RNF34: variants seen among roughly 807,000 people sequenced by gnomAD.
RNF34 encodes the protein E3 ubiquitin-protein ligase RNF34.
A neutral mutation model predicts 37.9 loss-of-function variants in RNF34; 12 were observed. That is an observed-to-expected ratio of 0.32 (90% confidence interval 0.20 to 0.51). The LOEUF (loss-of-function observed/expected upper bound fraction) is 0.51, where lower values mean the gene tolerates loss of function less well. RNF34 is among the 20% of genes least tolerant of loss of function. The pLI is 0.97. For missense variants in RNF34, 362 were observed against 472.7 expected (o/e 0.77, Z 2.17); for synonymous variants, 155 against 177.2 (o/e 0.87, Z 1.00).
chr12:121,406,302 G>GTTGTTGTTGTTGTTGTTGTTGTTT (rs1351470794), intron 1 of RNF34, among the ~76,000 whole-genome samples: 8 of 151,496 alleles, frequency 5.3e-5, no homozygotes, highest in South Asian at 4.2e-4. Flanking sequence ...TGTTGTTGTT[G>GTTGTTGTTGTTGTTGTTGTTGTTT]TTTGAGACAG....
chr12:121,411,433 A>G (rs181602120), intron 1 of RNF34, among the ~76,000 whole-genome samples: 25 of 152,262 alleles, frequency 1.6e-4, no homozygotes, highest in Admixed American at 5.9e-4. Context: ...AGAGCTGTGT[A>G]GTTGAAAAAA....
At chr12:121,416,065 G>A (rs1871544289) in intron 1 of RNF34, 94 bp from the exon 2 acceptor site, 1 of 981,044 alleles carries the variant, frequency 1.0e-6, no homozygotes, top group Non-Finnish European at 1.6e-6. Context: ...GTTATTGAGG[G>A]CAAACTTACC....
chr12:121,418,604 T>G (rs1871797825), intron 3 of RNF34: 2 of 152,294 alleles, frequency 1.3e-5, no homozygotes. Context: ...GCCTGCAGTC[T>G]GATACTTGGC....
At chr12:121,412,303 A>G (rs1871155273) in intron 1 of RNF34, among the ~76,000 whole-genome samples, 1 of 141,840 alleles carries the variant, frequency 7.1e-6, no homozygotes, top group South Asian at 2.2e-4. Flanking sequence ...ACAGTGGCGC[A>G]ATCTCGGCTC....
Position 121,417,077 on chromosome 12 carries a change from A to G in RNF34, c.226-427A>G, listed in dbSNP as rs1871643572. ...TGTATTTTCTTGGATTCACCTTGAGAGATCAGTTGCCTTTCTCTTTCCCTG... is the reference window on the plus strand; with the variant it reads ...TGTATTTTCTTGGATTCACCTTGAGGGATCAGTTGCCTTTCTCTTTCCCTG... On this transcript the variant is annotated intron_variant, in intron 2 of 5. Transcript: ENST00000361234. The surrounding 1 kb of genome is among the most constrained non-coding windows in gnomAD (Gnocchi z 5.0). Among the ~76,000 whole-genome samples the G allele has an allele frequency of 1.3e-5, 2 of 152,208 alleles. No individual in the cohort carries two copies. Among genetic ancestry groups the G allele is most frequent in the South Asian group, 2.1e-4 (1 of 4,832 alleles).
In RNF34 at chr12:121,414,343, C is replaced by G. The variant is rs373863873; in HGVS notation, c.7-1816C>G. 1.3e-4 allele frequency among the ~76,000 whole-genome samples: 20 copies of G among 152,326 alleles called. 1 individual carries two copies. The South Asian group carries it at 3.9e-3, about 30-fold the overall frequency. On this transcript the variant is annotated intron_variant, in intron 1 of 5. Coordinates refer to ENST00000361234, the MANE Select transcript of RNF34 (RefSeq NM_025126.4). ...AGCCTATTCGTTCTAAACACTATAG[C>G]TTTTATTTTAAGCATGGGAAAATGC...
At chr12:121,415,667 A>G (rs1410111249) in intron 1 of RNF34, among the ~76,000 whole-genome samples, 1 of 151,988 alleles carries the variant, frequency 6.6e-6, no homozygotes, top group Non-Finnish European at 1.5e-5. Context: ...ATTTCTGTTA[A>G]ATAATAGCTG....
Position 121,423,566 on chromosome 12 carries a change from T to TC in RNF34, c.1110dup (p.Lys371GlnfsTer38). The TC allele has an allele frequency of 6.2e-7, 1 of 1,613,168 alleles. No individual in the cohort carries two copies. Among genetic ancestry groups the TC allele is most frequent in the Non-Finnish European group, 8.5e-7 (1 of 1,179,308 alleles). ...TATGTGGTGCGAGCCGTGCACGTGT[T>TC]CAAGTCCTGAAACAGGCTCCCCTCA... is the stretch of plus-strand genomic sequence containing the variant. On this transcript the variant is annotated frameshift_variant, in exon 6 of 6. Transcript: ENST00000361234. LOFTEE classifies it high-confidence loss of function. This position sits in a 1 kb window ranked among gnomAD's most constrained non-coding sequence, Gnocchi z 4.3.
At chr12:121,412,402 G>A (rs782708145) in intron 1 of RNF34, among the ~76,000 whole-genome samples, 8 of 151,310 alleles carry the variant, frequency 5.3e-5, no homozygotes, top group South Asian at 2.1e-4. Flanking sequence ...ACCACGCCAG[G>A]CTAATTTTGT....
At position 121,423,504 on chromosome 12, in the gene RNF34, C is replaced by T. The variant is rs376706808; in HGVS notation, c.1047C>T (p.Cys349=). 1.7e-5 allele frequency: 28 copies of T among 1,614,022 alleles called. No individual in the cohort carries two copies. The highest frequency in any genetic ancestry group is 8.9e-5 in the East Asian group (4 of 44,902). ...ECGHMVTCTK[C]GKRMSECPIC... ...GGCACATGGTTACCTGCACCAAGTG[C>T]GGCAAGCGCATGAGTGAGTGTCCCA... Residue 349 remains cysteine, a synonymous_variant, in exon 6 of 6, where the codon TGC becomes TGT. Transcript: ENST00000361234. This position sits in a 1 kb window ranked among gnomAD's most constrained non-coding sequence, Gnocchi z 4.3.
intron 5 of RNF34, among the ~76,000 whole-genome samples, chr12:121,421,371 T>TACAAAAAAAAAAAAAAAA (rs35925457): frequency 2.2e-5 from 1 of 46,378 alleles, no homozygotes; most frequent in African/African-American, 6.8e-5. Flanking sequence ...ATCCCATCTC[T>TACAAAAAAAAAAAAAAAA]AAAAAAAAAA....
At chr12:121,416,086 A>C (rs1871547991) in intron 1 of RNF34, 73 bp from the exon 2 acceptor site, 1 of 1,229,508 alleles carries the variant, frequency 8.1e-7, no homozygotes, top group Non-Finnish European at 1.2e-6. Flanking sequence ...TCTCCAGAAT[A>C]GCATTCCCTG....
rs1872402737 is a variant in RNF34, at chr12:121,424,314, A to T, written c.*738A>T. 6.5e-6 allele frequency: 1 copy of T among 152,674 alleles called. No homozygotes were observed. 9.5% of individuals were successfully genotyped at this position (152,674 alleles called of 1,614,324 possible). A position where few individuals can be genotyped will look rare whatever the true frequency, so the allele number is the denominator to read the frequency against. On this transcript the variant is annotated 3_prime_UTR_variant, in exon 6 of 6. Transcript: ENST00000361234. ...TATTTTCAGTGCTACCCGCTAGCTG[A>T]TTTTAACTTTAGGAATAAAATTAGT...
At chr12:121,421,679 CTTT>C (rs1295260436) in intron 5 of RNF34, among the ~76,000 whole-genome samples, 1 of 151,872 alleles carries the variant, frequency 6.6e-6, no homozygotes, top group Non-Finnish European at 1.5e-5. Flanking sequence ...TTATTTTTTT[CTTT>C]TTAATTGTAA....
chr12:121,418,048 C>T, intron 3 of RNF34, 137 bp downstream of exon 3: 3 of 935,426 alleles, frequency 3.2e-6, no homozygotes. Flanking sequence ...CCCAGCTGAA[C>T]TCTGCACTTA....
At chr12:121,416,611 T>TTG (rs1272635586) in intron 2 of RNF34, 2 of 410,846 alleles carry the variant, frequency 4.9e-6, no homozygotes, top group Non-Finnish European at 8.8e-6. Context: ...TTTGACCTGT[T>TTG]TGTATCATTT....
chr12:121,411,912 C>T (rs1871099641), intron 1 of RNF34, among the ~76,000 whole-genome samples: 2 of 152,122 alleles, frequency 1.3e-5, no homozygotes, highest in Admixed American at 6.6e-5. Context: ...GAAGTTTATC[C>T]TGGGAGTACT....
At chr12:121,404,092 G>A (rs1172443012) in intron 1 of RNF34, among the ~76,000 whole-genome samples, 1 of 149,978 alleles carries the variant, frequency 6.7e-6, no homozygotes, top group Non-Finnish European at 1.5e-5. Context: ...TCAGCTCACT[G>A]CAACCTCTGC....
intron 1 of RNF34, among the ~76,000 whole-genome samples, chr12:121,406,745 T>C (rs56196633): frequency 0.18 from 27,153 of 152,090 alleles, 3,562 homozygotes; most frequent in African/African-American, 0.37. Flanking sequence ...TAGTAATCAC[T>C]GATGACTAGA....
Sources: gnomAD v4.1 joint callset for allele counts (sites outside exome capture counted in the v4.1 genomes callset) on GRCh38, gnomAD v4.1.1 for gene constraint, Gnocchi (gnomAD v3.1) non-coding constraint, MANE v1.5 for transcripts, NCBI Gene and HGNC (gene_info 2026-07-23, HGNC 2026-07-21) for gene names.